Variants in ERC1 observed in about 807,000 individuals in gnomAD.
ERC1 encodes ELKS/RAB6-interacting/CAST family member 1.
ERC1 carries 56 observed loss-of-function variants against 132.0 expected under a neutral mutation model. The ratio of observed to expected loss-of-function variants is 0.42; its 90% CI spans 0.34 to 0.53. The LOEUF is 0.53. ERC1 is among the 20% of genes least tolerant of loss of function. The pLI, the probability that ERC1 is intolerant of heterozygous loss-of-function variation, is 0.03. For missense variants in ERC1, 1,202 were observed against 1,349.9 expected, an observed-to-expected ratio of 0.89 and a Z score of 1.72; for synonymous variants, 478 against 476.1, an observed-to-expected ratio of 1.00 and a Z score of -0.05.
intron 15 of ERC1, among the ~76,000 whole-genome samples, chr12:1,328,267 C>G (rs2082602478): frequency 1.3e-5 from 2 of 152,064 alleles, no homozygotes; most frequent in African/African-American, 4.8e-5. Context: ...CTGCCTCAGC[C>G]TCCCAAGTAG....
intron 15 of ERC1, among the ~76,000 whole-genome samples, chr12:1,303,044 T>C (rs1297602910): frequency 6.6e-6 from 1 of 152,220 alleles, no homozygotes; most frequent in African/African-American, 2.4e-5. Flanking sequence ...GTGCATACTT[T>C]AAAAATGCTT....
rs913007741 is a variant in ERC1 at position 1,109,177 on chromosome 12, A to C, written c.1162-1015A>C. ...TGACATGTAAAGTAGCCTGGGGAGA[A>C]ACTAGGTACTGCGACAAACAAAATC... On this transcript the variant is annotated intron_variant, in intron 4 of 18. Transcript: ENST00000360905. Among the ~76,000 whole-genome samples, 45 of 152,350 alleles carry C rather than the reference A, an allele frequency of 3.0e-4. 1 individual carries two copies. The highest frequency in any genetic ancestry group is 1.1e-3 in the African/African-American group (45 of 41,572).
intron 8 of ERC1, among the ~76,000 whole-genome samples, chr12:1,155,760 C>T (rs932409575): frequency 1.3e-5 from 2 of 151,978 alleles, no homozygotes; most frequent in Non-Finnish European, 2.9e-5. Context: ...CGTGAGCCAC[C>T]GCGCCCTGCT....
intron 2 of ERC1, among the ~76,000 whole-genome samples, chr12:1,063,638 TA>T (rs1194269102): frequency 1.3e-5 from 2 of 151,576 alleles, no homozygotes; most frequent in Admixed American, 6.6e-5. Context: ...AGTCTTTTTT[TA>T]AAAAAAAATC....
At chr12:1,067,962 C>T (rs1217460654) in intron 2 of ERC1, among the ~76,000 whole-genome samples, 1 of 143,542 alleles carries the variant, frequency 7.0e-6, no homozygotes, top group Non-Finnish European at 1.5e-5. Context: ...GAGACAGAGT[C>T]GCTCTGTCGC....
chr12:1,282,818 T>A (rs2078772602), intron 14 of ERC1, among the ~76,000 whole-genome samples: 1 of 152,214 alleles, frequency 6.6e-6, no homozygotes, highest in Non-Finnish European at 1.5e-5. Flanking sequence ...CCAGTGGACT[T>A]CTCAAGTGAC....
chr12:1,215,436 A>G (rs552606018), intron 12 of ERC1, among the ~76,000 whole-genome samples: 16 of 152,326 alleles, frequency 1.1e-4, no homozygotes, highest in Middle Eastern at 3.4e-3. Flanking sequence ...AGCATATTCA[A>G]TTAATACTGG....
intron 17 of ERC1, among the ~76,000 whole-genome samples, chr12:1,411,424 C>A (rs1210469719): frequency 6.6e-6 from 1 of 151,888 alleles, no homozygotes. Context: ...ATGTGTAGAT[C>A]TCTTAACGTT....
At chr12:1,487,868 G>A (rs1272818881) in intron 18 of ERC1, among the ~76,000 whole-genome samples, 2 of 152,104 alleles carry the variant, frequency 1.3e-5, no homozygotes, top group Admixed American at 1.3e-4. Flanking sequence ...GCCAGGCGCG[G>A]TGACTCAGGC....
chr12:1,486,833 A>G (rs2094226682), intron 18 of ERC1, among the ~76,000 whole-genome samples: 1 of 152,244 alleles, frequency 6.6e-6, no homozygotes, highest in Admixed American at 6.5e-5. Context: ...TATCTACTTA[A>G]CATAACAGAA....
At chr12:1,014,243 T>C (rs1028044549) in intron 1 of ERC1, among the ~76,000 whole-genome samples, 2 of 152,222 alleles carry the variant, frequency 1.3e-5, no homozygotes, top group Non-Finnish European at 2.9e-5. Flanking sequence ...TGGTGTGTTC[T>C]TGGCTCACTG....
At chr12:1,247,804 A>G (rs2076246368) in intron 13 of ERC1, among the ~76,000 whole-genome samples, 2 of 152,106 alleles carry the variant, frequency 1.3e-5, no homozygotes, top group Admixed American at 1.3e-4. Context: ...CAAGACCAGC[A>G]TGACCAACAT....
At chr12:1,019,673 C>T (rs1290512536) in intron 1 of ERC1, among the ~76,000 whole-genome samples, 1 of 152,152 alleles carries the variant, frequency 6.6e-6, no homozygotes, top group Non-Finnish European at 1.5e-5. Context: ...CATTATGGCA[C>T]TGGTGTTGAG....
At chr12:1,031,827 G>T (rs961099671) in intron 2 of ERC1, among the ~76,000 whole-genome samples, 1 of 152,088 alleles carries the variant, frequency 6.6e-6, no homozygotes, top group Admixed American at 6.6e-5. Context: ...CACTGATGGG[G>T]TCTAAAATTA....
chr12:1,072,159 A>G (rs11836039), intron 2 of ERC1, among the ~76,000 whole-genome samples: 34,285 of 151,724 alleles, frequency 0.23, 4,281 homozygotes, highest in Middle Eastern at 0.28. Context: ...TTTTGTGATC[A>G]TAGACCTAAG....
chr12:1,028,157 C>G lies in ERC1; in HGVS notation c.254C>G (p.Pro85Arg), dbSNP rs1387306016. Residue 85 changes from proline (P) to arginine (R), a missense_variant, in exon 2 of 19, where the codon CCT (proline) becomes CGT (arginine). By Grantham distance (103) the Pro-to-Arg change is moderately radical. Transcript: ENST00000360905. ...CATGAAAATGTGGGTTCAGAAACAC[C>G]TAAAAGCACCATGACACTTGGCCGT... The part of the protein sequence containing the change: ...SDHENVGSET[P>R]KSTMTLGRSG... 2 of 1,614,172 alleles carry G rather than the reference C, an allele frequency of 1.2e-6. No individual in the cohort carries two copies. Among genetic ancestry groups the G allele is most frequent in the African/African-American group, 1.3e-5 (1 of 75,040 alleles).
At chr12:1,298,560 AC>A (rs1388633012) in intron 15 of ERC1, among the ~76,000 whole-genome samples, 85 of 99,308 alleles carry the variant, frequency 8.6e-4, no homozygotes, top group African/African-American at 1.1e-3. Flanking sequence ...AAAAAAACAA[AC>A]AAACAAAGAA....
chr12:1,005,066 A>T (rs560357933), intron 1 of ERC1, among the ~76,000 whole-genome samples: 1 of 152,278 alleles, frequency 6.6e-6, no homozygotes, highest in South Asian at 2.1e-4. Context: ...TCATGGTAGT[A>T]TTCACTTTAC....
chr12:1,112,350 C>T, intron 6 of ERC1, 52 bp downstream of exon 6: 1 of 1,317,648 alleles, frequency 7.6e-7, no homozygotes, highest in African/African-American at 1.5e-5. Context: ...ACAGTGGGAC[C>T]CTGCTAGCTC....
Sources: allele counts gnomAD v4.1 joint callset (sites outside exome capture counted in the v4.1 genomes callset), GRCh38; gene constraint gnomAD v4.1.1; transcripts MANE v1.5; gene names NCBI Gene and HGNC (gene_info 2026-07-23, HGNC 2026-07-21).